Variants in TAFA2 observed in about 807,000 individuals in gnomAD.
TAFA2 encodes the protein TAFA chemokine like family member 2.
Under a neutral mutation model 18.8 loss-of-function variants are expected in TAFA2, and 7 were observed. That is an observed-to-expected ratio of 0.37 (90% CI 0.21 to 0.70). The LOEUF (loss-of-function observed/expected upper bound fraction) is 0.70. Ranked by LOEUF, TAFA2 falls within the 30% of genes least tolerant of loss-of-function variation. TAFA2 has a pLI of 0.53. For synonymous variants in TAFA2, 60 were observed against 54.2 expected (o/e 1.11, Z -0.47); for missense variants, 122 against 158.1 (o/e 0.77, Z 1.23).
chr12:61,715,577 C>A (rs1226682556), intron 4 of TAFA2, among the ~76,000 whole-genome samples: 1 of 151,942 alleles, frequency 6.6e-6, no homozygotes, highest in Non-Finnish European at 1.5e-5. Context: ...TGGTCTCAAT[C>A]TCTCGACCTC....
At chr12:62,030,209 T>A (rs1881419955) in intron 1 of TAFA2, among the ~76,000 whole-genome samples, 1 of 152,016 alleles carries the variant, frequency 6.6e-6, no homozygotes, top group Non-Finnish European at 1.5e-5. Flanking sequence ...GAAACTGAGA[T>A]GAAGACGGGG....
intron 1 of TAFA2, among the ~76,000 whole-genome samples, chr12:61,929,440 C>A (rs577343119): frequency 5.7e-4 from 87 of 152,212 alleles, no homozygotes; most frequent in African/African-American, 2.1e-3. Context: ...AAATGCAAAT[C>A]AAAACCACAA....
intron 4 of TAFA2, among the ~76,000 whole-genome samples, chr12:61,713,355 T>C (rs975905880): frequency 2.6e-5 from 4 of 152,216 alleles, no homozygotes; most frequent in Non-Finnish European, 4.4e-5. Context: ...CTGGAGTCTC[T>C]GAGCCTACTC....
intron 1 of TAFA2, among the ~76,000 whole-genome samples, chr12:62,017,227 C>G (rs889568406): frequency 7.7e-6 from 1 of 129,712 alleles, no homozygotes; most frequent in East Asian, 2.0e-4. Flanking sequence ...TGAGTTAATG[C>G]GTAAAAAAAA....
At position 62,111,579 on chromosome 12, in the gene TAFA2, C is replaced by T. The variant is rs1869732989; in HGVS notation, c.-2+79680G>A. On this transcript the variant is annotated intron_variant, in intron 1 of 4. Transcript: ENST00000416284. ...GTCTCATTGATCTGTCTAATACTGA[C>T]AGTGTGGTATTAAAATCTCCCACTA... Among the ~76,000 whole-genome samples, 5 of 152,176 alleles carry T rather than the reference C, an allele frequency of 3.3e-5. 1 individual carries two copies. The South Asian group carries it at 1.0e-3, about 32-fold the overall frequency.
At chr12:61,785,616 C>T (rs556139891) in intron 2 of TAFA2, among the ~76,000 whole-genome samples, 1 of 151,460 alleles carries the variant, frequency 6.6e-6, no homozygotes, top group South Asian at 2.1e-4. Context: ...TCTGCAGATA[C>T]CTATCCTGCC....
intron 2 of TAFA2, among the ~76,000 whole-genome samples, chr12:61,837,246 A>ATTTTC (rs1011416497): frequency 6.6e-6 from 1 of 151,932 alleles, no homozygotes; most frequent in African/African-American, 2.4e-5. Flanking sequence ...ATTTGTTTTT[A>ATTTTC]TTTTCTTTTC....
At chr12:61,760,075 C>CT (rs35014156) in intron 2 of TAFA2, among the ~76,000 whole-genome samples, 54,080 of 137,452 alleles carry the variant, frequency 0.39, 10,983 homozygotes, top group African/African-American at 0.43. Context: ...CTGCCCAGTG[C>CT]TTTTTTTTTT....
intron 1 of TAFA2, among the ~76,000 whole-genome samples, chr12:61,967,480 A>G (rs756368559): frequency 2.0e-5 from 3 of 151,760 alleles, no homozygotes; most frequent in Non-Finnish European, 2.9e-5. Context: ...AACATGCTAC[A>G]CTCCCATTGT....
intron 1 of TAFA2, among the ~76,000 whole-genome samples, chr12:62,045,184 T>C (rs1881877900): frequency 6.6e-6 from 1 of 152,154 alleles, no homozygotes; most frequent in African/African-American, 2.4e-5. Context: ...TCCAAAGAAA[T>C]ATAAATCCAT....
chr12:62,029,669 C>T (rs1336159804), intron 1 of TAFA2, among the ~76,000 whole-genome samples: 1 of 151,710 alleles, frequency 6.6e-6, no homozygotes, highest in Admixed American at 6.6e-5. Flanking sequence ...GTGCAATCAC[C>T]CTGTACTTCT....
chr12:62,118,244 T>C (rs1044160039), intron 1 of TAFA2, among the ~76,000 whole-genome samples: 4 of 152,186 alleles, frequency 2.6e-5, no homozygotes, highest in Non-Finnish European at 5.9e-5. Context: ...CATTAATTTT[T>C]TAGAACTTGC....
intron 4 of TAFA2, among the ~76,000 whole-genome samples, chr12:61,732,761 G>A (rs1022520709): frequency 4.0e-5 from 6 of 151,848 alleles, no homozygotes; most frequent in African/African-American, 9.7e-5. Flanking sequence ...GTGTGCGTGC[G>A]TGCGTGCATG....
chr12:61,944,025 C>G (rs1308112306), intron 1 of TAFA2, among the ~76,000 whole-genome samples: 6 of 131,672 alleles, frequency 4.6e-5, no homozygotes, highest in South Asian at 2.8e-4. Flanking sequence ...CACACCACAC[C>G]TATTCCAAAA....
chr12:61,859,988 C>T (rs1055907213), intron 2 of TAFA2, among the ~76,000 whole-genome samples: 3 of 152,146 alleles, frequency 2.0e-5, no homozygotes, highest in Non-Finnish European at 4.4e-5. Context: ...GAAAGCATAA[C>T]TCTTAGAAAC....
chr12:62,113,064 T>TCAGGAGAATCCTTCTC (rs1869803757), intron 1 of TAFA2, among the ~76,000 whole-genome samples: 2 of 152,146 alleles, frequency 1.3e-5, no homozygotes, highest in Admixed American at 6.5e-5. Context: ...GAAGAGGGAT[T>TCAGGAGAATCCTTCTC]CTGTTTTTGG....
chr12:62,235,219 A>AGCTCACGCCATGCTCAGGCAGTG (rs1469254861), intron 1 of TAFA2: 1 of 658,978 alleles, frequency 1.5e-6, no homozygotes, highest in Non-Finnish European at 2.8e-6. Context: ...TAGGGGCAGT[A>AGCTCACGCCATGCTCAGGCAGTG]GCTCACGCCA....
chr12:61,849,240 A>G (rs948029382), intron 2 of TAFA2, among the ~76,000 whole-genome samples: 3 of 152,182 alleles, frequency 2.0e-5, no homozygotes, highest in African/African-American at 7.2e-5. Context: ...TTCCTATTTT[A>G]CAGATAAACT....
intron 1 of TAFA2, among the ~76,000 whole-genome samples, chr12:61,963,961 A>AG (rs1343706962): frequency 2.6e-5 from 4 of 152,160 alleles, no homozygotes; most frequent in African/African-American, 9.6e-5. Context: ...CAAACCTGGC[A>AG]AAAAACAAGC....
Sources: allele counts gnomAD v4.1 joint callset (sites outside exome capture counted in the v4.1 genomes callset), GRCh38; gene constraint gnomAD v4.1.1; transcripts MANE v1.5; gene names NCBI Gene and HGNC (gene_info 2026-07-23, HGNC 2026-07-21).